The following GNB5 variants were observed in gnomAD, a reference collection of about 807,000 sequenced individuals.
GNB5 encodes G protein subunit beta 5, also known as guanine nucleotide-binding protein subunit beta-5.
Under a neutral mutation model 55.3 loss-of-function variants are expected in GNB5, and 37 were observed. That is an observed-to-expected ratio of 0.67 (90% CI 0.51 to 0.88). The LOEUF is 0.88. Ranked by LOEUF, GNB5 falls within the 40% of genes least tolerant of loss-of-function variation. The pLI is 0.00. For missense variants in GNB5, 476 were observed against 515.3 expected (o/e 0.92, Z 0.74); for synonymous variants, 219 against 198.5 (o/e 1.10, Z -0.87).
intron 1 of GNB5, among the ~76,000 whole-genome samples, chr15:52,187,905 T>C (rs35914910): frequency 0.24 from 36,919 of 151,716 alleles, 4,944 homozygotes; most frequent in Admixed American, 0.34. Context: ...GCTGAGATCA[T>C]GCCACTGCAC....
chr15:52,188,621 G>A (rs1275835601), intron 1 of GNB5, among the ~76,000 whole-genome samples: 1 of 152,162 alleles, frequency 6.6e-6, no homozygotes, highest in Admixed American at 6.5e-5. Flanking sequence ...TGAGCATTTT[G>A]ACAAGAAAGA....
chr15:52,133,208 T>C (rs1478062688), intron 9 of GNB5, among the ~76,000 whole-genome samples, 170 bp downstream of exon 9: 1 of 152,216 alleles, frequency 6.6e-6, no homozygotes, highest in Non-Finnish European at 1.5e-5. Flanking sequence ...ATTAAAATTC[T>C]CCATGAGTTC....
chr15:52,136,462 G>A (rs2033725912), intron 7 of GNB5, among the ~76,000 whole-genome samples: 2 of 152,164 alleles, frequency 1.3e-5, no homozygotes, highest in Non-Finnish European at 2.9e-5. Flanking sequence ...ACACATCACT[G>A]GGCTGCTTGC....
At chr15:52,178,871 G>T (rs145585645) in intron 3 of GNB5, among the ~76,000 whole-genome samples, 1 of 152,334 alleles carries the variant, frequency 6.6e-6, no homozygotes, top group East Asian at 1.9e-4. Flanking sequence ...AGGTGTGCAG[G>T]AGGGCACCGT....
intron 10 of GNB5, among the ~76,000 whole-genome samples, chr15:52,126,661 G>T (rs2033439109): frequency 6.6e-6 from 1 of 152,070 alleles, no homozygotes; most frequent in Non-Finnish European, 1.5e-5. Flanking sequence ...ATATTATGAT[G>T]ACTATTCTTA....
chr15:52,167,461 G>C (rs777151765), intron 3 of GNB5, among the ~76,000 whole-genome samples: 1 of 152,150 alleles, frequency 6.6e-6, no homozygotes, highest in African/African-American at 2.4e-5. Flanking sequence ...CCTGAGGTCA[G>C]GACTTTGAGA....
rs575505002 is a variant in GNB5, at chr15:52,141,934, TTA to T, written c.495-664_495-663del. Reference sequence around the variant, plus strand: ...AAGGCTCACATATTGCATTCATTTGTTATGTCTTTTTAAGATCTTTTAACCTA... The same window carrying T: ...AAGGCTCACATATTGCATTCATTTGTTGTCTTTTTAAGATCTTTTAACCTA... On this transcript the variant is annotated intron_variant, in intron 6 of 12. Transcript: ENST00000261837. 6.7e-3 allele frequency among the ~76,000 whole-genome samples: 1,015 copies of T among 152,336 alleles called. 22 individuals carry two copies. The highest frequency in any genetic ancestry group is 0.054 in the Middle Eastern group (16 of 294).
chr15:52,135,526 G>T (rs902326110), intron 8 of GNB5, 87 bp downstream of exon 8: 41 of 1,195,260 alleles, frequency 3.4e-5, no homozygotes, highest in Non-Finnish European at 4.8e-5. Flanking sequence ...GAAGTGCCTA[G>T]GCTAATCCCA....
At position 52,122,034 on chromosome 15, in the gene GNB5, A is replaced by AC. The variant is rs2033282527; in HGVS notation, c.*722dup. 6.6e-6 allele frequency: 1 copy of AC among 152,212 alleles called. No individual in the cohort carries two copies. Among genetic ancestry groups the AC allele is most frequent in the Non-Finnish European group, 1.5e-5 (1 of 68,048 alleles). 9.4% of individuals were successfully genotyped at this position (152,212 alleles called of 1,614,324 possible). Reference sequence around the variant, plus strand: ...CTCTCAGAAGCATTTGTTTACAAACACCATTGGCTTTCCCTTCAATTCAGA... The same window carrying AC: ...CTCTCAGAAGCATTTGTTTACAAACACCCATTGGCTTTCCCTTCAATTCAGA... On this transcript the variant is annotated 3_prime_UTR_variant, in exon 13 of 13. Coordinates refer to ENST00000261837, the MANE Select transcript of GNB5 (RefSeq NM_016194.4).
chr15:52,126,541 T>G (rs188005840), intron 10 of GNB5, among the ~76,000 whole-genome samples: 1 of 152,318 alleles, frequency 6.6e-6, no homozygotes, highest in Middle Eastern at 3.4e-3. Flanking sequence ...TCTCATATCA[T>G]TAAAAGAGAA....
At chr15:52,144,288 C>G (rs1566938612) in intron 6 of GNB5, 1 of 152,244 alleles carries the variant, frequency 6.6e-6, no homozygotes, top group Non-Finnish European at 1.5e-5. Context: ...TTATCATATT[C>G]ACTACACATT....
chr15:52,187,874 G>A (rs868311565), intron 1 of GNB5, among the ~76,000 whole-genome samples: 1 of 151,934 alleles, frequency 6.6e-6, no homozygotes, highest in African/African-American at 2.4e-5. Context: ...ACTTGAAGCC[G>A]GGAAGCAGAT....
Position 52,118,939 on chromosome 15 carries a change from C to T in GNB5, c.*3818G>A, listed in dbSNP as rs912091016. On this transcript the variant is annotated 3_prime_UTR_variant, in exon 13 of 13. Transcript: ENST00000261837. ...AAAGTTTGAGAACCACTAGCCCAGACGAAGCTCTAACTGATGAGAATTACT... is the reference window on the plus strand; with the variant it reads ...AAAGTTTGAGAACCACTAGCCCAGATGAAGCTCTAACTGATGAGAATTACT... 2.7e-5 allele frequency: 4 copies of T among 146,844 alleles called. No homozygotes were observed. Among genetic ancestry groups the T allele is most frequent in the Non-Finnish European group, 5.9e-5 (4 of 67,364 alleles). 9.1% of individuals were successfully genotyped at this position (146,844 alleles called of 1,614,324 possible). A position where few individuals can be genotyped will look rare whatever the true frequency, so the allele number is the denominator to read the frequency against.
At position 52,128,086 on chromosome 15, in the gene GNB5, T is replaced by A. The variant is rs2033473680; in HGVS notation, c.912+110A>T. The A allele has an allele frequency of 6.2e-6, 4 of 647,408 alleles. No homozygotes were observed. The East Asian group carries it at 8.6e-5, about 14-fold the overall frequency. The allele number at this position is 647,408 out of a possible 1,614,324, so 40.1% of individuals were successfully genotyped here. Reference sequence around the variant, plus strand: ...TAATTTAATATTCCCCTAAATTTTCTTTATTGAATACTCGTTACTTCTGTA... The same window carrying A: ...TAATTTAATATTCCCCTAAATTTTCATTATTGAATACTCGTTACTTCTGTA... On this transcript the variant is annotated intron_variant, in intron 10 of 12. Coordinates refer to ENST00000261837, the MANE Select transcript of GNB5 (RefSeq NM_016194.4).
chr15:52,127,420 C>T (rs1344873176), intron 10 of GNB5, among the ~76,000 whole-genome samples: 3 of 152,136 alleles, frequency 2.0e-5, no homozygotes, highest in Admixed American at 1.3e-4. Flanking sequence ...TTCGTATCTA[C>T]AGGATTTCAA....
At chr15:52,128,009 G>C (rs1464684482) in intron 10 of GNB5, among the ~76,000 whole-genome samples, 187 bp downstream of exon 10, 1 of 152,142 alleles carries the variant, frequency 6.6e-6, no homozygotes, top group Non-Finnish European at 1.5e-5. Context: ...AAGAAAAAAA[G>C]ACAGAAAGGA....
chr15:52,152,633 C>T (rs1162252982), intron 4 of GNB5, among the ~76,000 whole-genome samples: 2 of 140,126 alleles, frequency 1.4e-5, no homozygotes, highest in East Asian at 2.2e-4. Context: ...CTGAATATCT[C>T]TCTTTTTTTT....
rs2141177364 is a variant in GNB5 at position 52,121,022 on chromosome 15, G to C, written c.*1735C>G. ...GACCGAGTGGCCCATCACGATACCT[G>C]AACAAGCAGTTGTGAGGGTGGGCCT... On this transcript the variant is annotated 3_prime_UTR_variant, in exon 13 of 13. Transcript: ENST00000261837. The C allele has an allele frequency of 6.6e-6, 1 of 152,402 alleles. No homozygotes were observed. The highest frequency in any genetic ancestry group is 1.9e-4 in the East Asian group (1 of 5,194). 9.4% of individuals were successfully genotyped at this position (152,402 alleles called of 1,614,324 possible). A position where few individuals can be genotyped will look rare whatever the true frequency, so the allele number is the denominator to read the frequency against.
intron 6 of GNB5, among the ~76,000 whole-genome samples, chr15:52,143,623 G>T (rs975336329): frequency 1.2e-4 from 19 of 152,298 alleles, no homozygotes; most frequent in African/African-American, 3.8e-4. Flanking sequence ...TTCAAGTTTG[G>T]AAACAACTGA....
Sources: allele counts gnomAD v4.1 joint callset (sites outside exome capture counted in the v4.1 genomes callset), GRCh38; gene constraint gnomAD v4.1.1; transcripts MANE v1.5; gene names NCBI Gene and HGNC (gene_info 2026-07-23, HGNC 2026-07-21).